FOXP1: variants seen among roughly 807,000 people sequenced by gnomAD.
The protein encoded by FOXP1 is forkhead box protein P1.
In FOXP1, 15 loss-of-function variants were observed where a neutral mutation model predicts 98.2. That is an observed-to-expected ratio of 0.15 (90% CI 0.10 to 0.24). The LOEUF is 0.24. Among genes scored for constraint, FOXP1 ranks in the 10% least tolerant of loss-of-function variants. The pLI, the probability that FOXP1 is intolerant of heterozygous loss-of-function variation, is 1.00. For missense variants in FOXP1, 633 were observed against 848.5 expected, an observed-to-expected ratio of 0.75 and a Z score of 3.15; for synonymous variants, 371 against 314.5, an observed-to-expected ratio of 1.18 and a Z score of -1.90.
At chr3:71,063,947 G>C (rs116226123) in intron 7 of FOXP1, among the ~76,000 whole-genome samples, 1 of 152,122 alleles carries the variant, frequency 6.6e-6, no homozygotes, top group Non-Finnish European at 1.5e-5. Context: ...GGGAGGAGAG[G>C]GGTAAAAAGT....
intron 11 of FOXP1, among the ~76,000 whole-genome samples, chr3:71,016,132 T>G (rs2044439798): frequency 6.6e-6 from 1 of 151,942 alleles, no homozygotes; most frequent in Non-Finnish European, 1.5e-5. Context: ...CAAAGAGGAG[T>G]ACAATTAAAT....
At chr3:71,507,954 G>C (rs902807667) in intron 2 of FOXP1, among the ~76,000 whole-genome samples, 6 of 152,182 alleles carry the variant, frequency 3.9e-5, no homozygotes, top group Non-Finnish European at 7.3e-5. Context: ...ACATATGCTA[G>C]GCTACTGCAA....
chr3:71,335,415 T>C (rs966906076), intron 4 of FOXP1: 2 of 152,098 alleles, frequency 1.3e-5, no homozygotes, highest in African/African-American at 2.4e-5. Context: ...GTGTGTAAGG[T>C]AGAGAAATAA....
intron 5 of FOXP1, among the ~76,000 whole-genome samples, chr3:71,290,582 A>C (rs1416893796): frequency 1.3e-5 from 2 of 152,182 alleles, no homozygotes; most frequent in Non-Finnish European, 2.9e-5. Context: ...AAAAAGCATG[A>C]GTGAGATCTT....
At chr3:70,970,556 C>T (rs1316469936) in intron 19 of FOXP1, 180 bp downstream of exon 19, 8 of 635,280 alleles carry the variant, frequency 1.3e-5, no homozygotes, top group South Asian at 1.8e-5. Flanking sequence ...CTAAGCATCC[C>T]GCTAACGCTG....
chr3:71,529,712 G>A (rs1186749260), intron 2 of FOXP1, among the ~76,000 whole-genome samples: 2 of 152,162 alleles, frequency 1.3e-5, no homozygotes, highest in Non-Finnish European at 2.9e-5. Flanking sequence ...GCTTCTGAAT[G>A]CTGAACATGT....
chr3:71,195,045 G>A (rs1197360599), intron 6 of FOXP1, among the ~76,000 whole-genome samples: 1 of 152,172 alleles, frequency 6.6e-6, no homozygotes, highest in African/African-American at 2.4e-5. Flanking sequence ...AGGCTGGAGG[G>A]CTCCCTGTCT....
At chr3:71,092,765 A>G (rs1156714145) in intron 7 of FOXP1, among the ~76,000 whole-genome samples, 1 of 152,104 alleles carries the variant, frequency 6.6e-6, no homozygotes, top group African/African-American at 2.4e-5. Context: ...TTGAGCTCCC[A>G]CAGAGAAAAT....
intron 3 of FOXP1, among the ~76,000 whole-genome samples, chr3:71,425,114 T>C (rs888649572): frequency 6.6e-6 from 1 of 151,332 alleles, no homozygotes; most frequent in Non-Finnish European, 1.5e-5. Flanking sequence ...TGTTTCGTTT[T>C]GTTTTGTTTT....
chr3:71,231,145 G>A (rs879920406), intron 5 of FOXP1, among the ~76,000 whole-genome samples: 3 of 152,122 alleles, frequency 2.0e-5, no homozygotes, highest in Admixed American at 1.3e-4. Context: ...CTTTCAATGA[G>A]GACAATTTGG....
Position 70,963,095 on chromosome 3 carries a change from T to C in FOXP1, c.1889+2795A>G, listed in dbSNP as rs1218130033. Among the ~76,000 whole-genome samples the C allele has an allele frequency of 2.6e-5, 4 of 152,166 alleles. 1 individual carries two copies. The highest frequency in any genetic ancestry group is 2.0e-4 in the Admixed American group (3 of 15,272). On this transcript the variant is annotated intron_variant, in intron 20 of 20. Transcript: ENST00000649528. ...AAAAACAAATAAACAAAACACGTTT[T>C]CCCCCTAAATTGGTAGCCAAAATTC... is the stretch of plus-strand genomic sequence containing the variant.
chr3:71,287,451 C>G (rs200230264), intron 5 of FOXP1, among the ~76,000 whole-genome samples: 1 of 151,200 alleles, frequency 6.6e-6, no homozygotes, highest in Non-Finnish European at 1.5e-5. Flanking sequence ...CCAGCCTGGG[C>G]GAAAGAGCGA....
At chr3:71,287,517 C>T (rs1049258078) in intron 5 of FOXP1, among the ~76,000 whole-genome samples, 4 of 151,684 alleles carry the variant, frequency 2.6e-5, no homozygotes, top group South Asian at 4.2e-4. Flanking sequence ...CTGTGGCTCA[C>T]GCCTGTAATC....
chr3:71,198,063 A>T (rs1475407813), intron 6 of FOXP1, 139 bp downstream of exon 6: 1 of 1,614,096 alleles, frequency 6.2e-7, no homozygotes, highest in East Asian at 2.2e-5. Context: ...GGTTTATGAG[A>T]TGCCACTGAC....
chr3:71,242,564 T>C (rs907385344), intron 5 of FOXP1, among the ~76,000 whole-genome samples: 1 of 152,336 alleles, frequency 6.6e-6, no homozygotes, highest in Admixed American at 6.5e-5. Context: ...CCAAACCTTT[T>C]TGTTATAACC....
At chr3:71,219,730 C>A (rs539162583) in intron 5 of FOXP1, among the ~76,000 whole-genome samples, 79 of 152,296 alleles carry the variant, frequency 5.2e-4, no homozygotes, top group African/African-American at 1.8e-3. Flanking sequence ...GTATCTTATT[C>A]TTTTTACTTT....
intron 14 of FOXP1, among the ~76,000 whole-genome samples, chr3:70,983,729 CTCAGTAT>C (rs1386186757): frequency 1.3e-5 from 2 of 152,162 alleles, no homozygotes; most frequent in Non-Finnish European, 2.9e-5. Context: ...TTCTCATGTA[CTCAGTAT>C]TATAAAATAC....
intron 1 of FOXP1, chr3:71,582,561 C>T (rs1050459141): frequency 2.0e-6 from 2 of 985,304 alleles, no homozygotes; most frequent in Admixed American, 6.1e-5. Context: ...ACGCGCGCGA[C>T]GCAGGACAAA....
At chr3:71,067,652 TTTGGGAGGCCAAGGCAGGAA>T (rs1270121062) in intron 7 of FOXP1, among the ~76,000 whole-genome samples, 1 of 151,494 alleles carries the variant, frequency 6.6e-6, no homozygotes, top group Non-Finnish European at 1.5e-5. Flanking sequence ...ATCCCAGCAC[TTTGGGAGGCCAAGGCAGGAA>T]GACTGCTTTG....
Sources: allele counts gnomAD v4.1 joint callset (sites outside exome capture counted in the v4.1 genomes callset), GRCh38; gene constraint gnomAD v4.1.1; transcripts MANE v1.5; gene names NCBI Gene and HGNC (gene_info 2026-07-23, HGNC 2026-07-21).